Variants in KCNU1 observed in about 807,000 individuals in gnomAD.
The protein encoded by KCNU1 is potassium calcium-activated channel subfamily U member 1, also known as potassium channel subfamily U member 1.
A neutral mutation model predicts 126.8 loss-of-function variants in KCNU1; 93 were observed. The ratio of observed to expected loss-of-function variants is 0.73; its 90% CI spans 0.62 to 0.87. The LOEUF is 0.87. KCNU1 is among the 40% of genes least tolerant of loss of function. The pLI, the probability that KCNU1 is intolerant of heterozygous loss-of-function variation, is 0.00. For synonymous variants in KCNU1, 523 were observed against 494.2 expected, an observed-to-expected ratio of 1.06 and a Z score of -0.77; for missense variants, 1,330 against 1,367.1, an observed-to-expected ratio of 0.97 and a Z score of 0.43.
intron 19 of KCNU1, among the ~76,000 whole-genome samples, chr8:36,876,073 G>T (rs1267719790): frequency 1.3e-5 from 2 of 152,152 alleles, no homozygotes; most frequent in Non-Finnish European, 2.9e-5. Flanking sequence ...GCCAGGTCAA[G>T]TATCTGCTTG....
At chr8:36,865,408 T>C (rs1805868650) in intron 19 of KCNU1, among the ~76,000 whole-genome samples, 1 of 152,014 alleles carries the variant, frequency 6.6e-6, no homozygotes, top group Admixed American at 6.6e-5. Context: ...TGTACTCCCA[T>C]GTTCATTGCA....
chr8:36,918,664 A>G (rs16885545), intron 22 of KCNU1, among the ~76,000 whole-genome samples, 159 bp from the exon 23 acceptor site: 29,340 of 152,012 alleles, frequency 0.19, 3,042 homozygotes, highest in Middle Eastern at 0.33. Context: ...GGAGACCCAC[A>G]TAACAATTTT....
At chr8:36,842,712 C>G (rs1805001513) in intron 16 of KCNU1, among the ~76,000 whole-genome samples, 1 of 152,078 alleles carries the variant, frequency 6.6e-6, no homozygotes. Flanking sequence ...CTCTTTTTGC[C>G]CAGGCTGGAG....
At position 36,845,679 on chromosome 8, in the gene KCNU1, T is replaced by C. The variant is rs1455360182; in HGVS notation, c.1793+10T>C. The C allele has an allele frequency of 6.3e-7, 1 of 1,581,584 alleles. No homozygotes were observed. Among genetic ancestry groups the C allele is most frequent in the African/African-American group, 1.3e-5 (1 of 74,376 alleles). On this transcript the variant is annotated intron_variant, in intron 17 of 26. Coordinates refer to ENST00000399881, the MANE Select transcript of KCNU1 (RefSeq NM_001031836.3). ...CAAAGGACGTCAGAAGGTAATTTTA[T>C]TATTTTATGGGGGAAAAGCACTAAA...
intron 10 of KCNU1, among the ~76,000 whole-genome samples, chr8:36,818,321 GTT>G (rs1171940540): frequency 6.6e-6 from 1 of 152,024 alleles, no homozygotes; most frequent in African/African-American, 2.4e-5. Flanking sequence ...AATTTTCTAT[GTT>G]TTGACTGTTG....
rs1808846901 is a variant in KCNU1, at chr8:36,936,001, A to G, written c.*81A>G. ...GATGCTAACTTTGAACAAAGAAAATAAGAATGGAAGCATGCCATTTTTCTG... is the reference window on the plus strand; with the variant it reads ...GATGCTAACTTTGAACAAAGAAAATGAGAATGGAAGCATGCCATTTTTCTG... On this transcript the variant is annotated 3_prime_UTR_variant, in exon 27 of 27. Coordinates refer to ENST00000399881, the MANE Select transcript of KCNU1 (RefSeq NM_001031836.3). 1 of 1,302,594 alleles carries G rather than the reference A, an allele frequency of 7.7e-7. No homozygotes were observed. Among genetic ancestry groups the G allele is most frequent in the Non-Finnish European group, 1.1e-6 (1 of 951,448 alleles). 80.7% of individuals were successfully genotyped at this position (1,302,594 alleles called of 1,614,324 possible).
chr8:36,792,145 A>G (rs1344553620), intron 2 of KCNU1, among the ~76,000 whole-genome samples: 3 of 152,178 alleles, frequency 2.0e-5, no homozygotes, highest in Non-Finnish European at 2.9e-5. Context: ...GTACAAAGTA[A>G]AAACTAAATT....
intron 16 of KCNU1, among the ~76,000 whole-genome samples, chr8:36,841,568 G>A (rs1309625734): frequency 1.3e-5 from 2 of 151,946 alleles, no homozygotes; most frequent in Admixed American, 1.3e-4. Flanking sequence ...CGTGCACCTG[G>A]GCCTGCAATC....
At chr8:36,850,469 T>C (rs1365002018) in intron 18 of KCNU1, among the ~76,000 whole-genome samples, 1 of 151,512 alleles carries the variant, frequency 6.6e-6, no homozygotes, top group Non-Finnish European at 1.5e-5. Flanking sequence ...TTTTTTTTTT[T>C]CCTTTGGGAC....
chr8:36,824,850 A>ATTC (rs1331809425), intron 10 of KCNU1, among the ~76,000 whole-genome samples: 1 of 152,144 alleles, frequency 6.6e-6, no homozygotes, highest in African/African-American at 2.4e-5. Flanking sequence ...TGTAGACAAT[A>ATTC]TTCTATGAAT....
At chr8:36,843,171 C>T (rs1042249783) in intron 16 of KCNU1, among the ~76,000 whole-genome samples, 8 of 152,098 alleles carry the variant, frequency 5.3e-5, no homozygotes, top group East Asian at 3.9e-4. Context: ...ATTAAGATGA[C>T]GGTTAGGACA....
At chr8:36,786,112 CA>C (rs553860650) in intron 1 of KCNU1, among the ~76,000 whole-genome samples, 2,216 of 93,038 alleles carry the variant, frequency 0.024, 37 homozygotes, top group African/African-American at 0.059. Flanking sequence ...TGGACAAATG[CA>C]AAAAAAAAAA....
chr8:36,833,664 G>A lies in KCNU1; in HGVS notation c.1212+5G>A. 1.3e-6 allele frequency: 2 copies of A among 1,570,872 alleles called. No individual in the cohort carries two copies. Among genetic ancestry groups the A allele is most frequent in the East Asian group, 2.2e-5 (1 of 44,524 alleles). On this transcript the variant is annotated splice_donor_5th_base_variant and intron_variant, in intron 11 of 26. Coordinates refer to ENST00000399881, the MANE Select transcript of KCNU1 (RefSeq NM_001031836.3). ...GAGGATCTGAGGCGAGTTGCGGTAA[G>A]ATCTAGCTGTTTTTGTTCCTTGTAG...
chr8:36,841,196 G>A (rs1393265369), intron 16 of KCNU1, among the ~76,000 whole-genome samples, 193 bp downstream of exon 16: 3 of 151,946 alleles, frequency 2.0e-5, no homozygotes, highest in African/African-American at 4.8e-5. Flanking sequence ...CTCAGGTTAG[G>A]GTGGTGACCC....
chr8:36,808,680 C>T (rs1019994330), intron 6 of KCNU1, 38 bp from the exon 7 acceptor site: 4 of 1,296,282 alleles, frequency 3.1e-6, no homozygotes, highest in Non-Finnish European at 4.4e-6. Flanking sequence ...GTTCTGGAAT[C>T]TGTTAGACCC....
intron 22 of KCNU1, among the ~76,000 whole-genome samples, chr8:36,912,471 A>G (rs1185406133): frequency 1.3e-5 from 2 of 152,196 alleles, no homozygotes; most frequent in Non-Finnish European, 2.9e-5. Context: ...AGTGCCATGA[A>G]CAGCCAGACT....
chr8:36,858,086 C>T lies in KCNU1; in HGVS notation c.1892-6318C>T, dbSNP rs1357405593. 2.6e-5 allele frequency among the ~76,000 whole-genome samples: 4 copies of T among 151,298 alleles called. No homozygotes were observed. In the East Asian group the frequency reaches 7.8e-4, roughly 30 times the overall value. ...TTATGAAGCTTCTGCTGCTGCTATTCCACACCCAAAACTAAAGGCTCTGTC... is the reference window on the plus strand; with the variant it reads ...TTATGAAGCTTCTGCTGCTGCTATTTCACACCCAAAACTAAAGGCTCTGTC... On this transcript the variant is annotated intron_variant, in intron 18 of 26. Coordinates refer to ENST00000399881, the MANE Select transcript of KCNU1 (RefSeq NM_001031836.3).
chr8:36,829,461 A>G (rs1772583402), intron 10 of KCNU1, among the ~76,000 whole-genome samples: 1 of 151,788 alleles, frequency 6.6e-6, no homozygotes, highest in South Asian at 2.1e-4. Context: ...TGGGGTTTAT[A>G]GAGTGACAAT....
At chr8:36,812,887 A>G (rs1010133003) in intron 7 of KCNU1, among the ~76,000 whole-genome samples, 6 of 152,230 alleles carry the variant, frequency 3.9e-5, no homozygotes, top group African/African-American at 1.4e-4. Context: ...TTAAAAAATT[A>G]TAAAGGATAT....
Sources: gnomAD v4.1 joint callset for allele counts (sites outside exome capture counted in the v4.1 genomes callset) on GRCh38, gnomAD v4.1.1 for gene constraint, MANE v1.5 for transcripts, NCBI Gene and HGNC (gene_info 2026-07-23, HGNC 2026-07-21) for gene names.